Variants in DTNBP1 observed in about 807,000 individuals in gnomAD.
DTNBP1 encodes dystrobrevin binding protein 1.
Under a neutral mutation model 42.8 loss-of-function variants are expected in DTNBP1, and 35 were observed. The ratio of observed to expected loss-of-function variants is 0.82; its 90% CI spans 0.63 to 1.09. The LOEUF (loss-of-function observed/expected upper bound fraction) is 1.09, where lower values mean the gene tolerates loss of function less well. Among genes scored for constraint, DTNBP1 ranks in the 50% least tolerant of loss-of-function variants. DTNBP1 has a pLI of 0.00. For missense variants in DTNBP1, 457 were observed against 424.2 expected (o/e 1.08, Z -0.68); for synonymous variants, 171 against 162.2 (o/e 1.05, Z -0.41).
In DTNBP1 at chr6:15,594,480, G is replaced by A. The variant is rs867205781; in HGVS notation, c.489-1399C>T. Among the ~76,000 whole-genome samples, 770 of 147,740 alleles carry A rather than the reference G, an allele frequency of 5.2e-3. 7 individuals carry two copies. Among genetic ancestry groups the A allele is most frequent in the African/African-American group, 0.017 (702 of 40,444 alleles). ...ACTCTGTCTCAAAAAAAAAAAAAAC[G>A]AAACAAAACAAAAAAACAAAAACAA... On this transcript the variant is annotated intron_variant, in intron 6 of 9. Transcript: ENST00000344537.
intron 6 of DTNBP1, among the ~76,000 whole-genome samples, chr6:15,608,932 G>A (rs1758232726): frequency 6.6e-6 from 1 of 152,102 alleles, no homozygotes; most frequent in Admixed American, 6.5e-5. Flanking sequence ...GGCACTTCAT[G>A]GGCTCTTTTA....
At chr6:15,603,877 T>C (rs1776826987) in intron 6 of DTNBP1, among the ~76,000 whole-genome samples, 1 of 152,156 alleles carries the variant, frequency 6.6e-6, no homozygotes, top group Non-Finnish European at 1.5e-5. Context: ...TTGGATATTT[T>C]TTTCCCTCCT....
At chr6:15,523,487 C>A in intron 9 of DTNBP1, 1 of 1,280,272 alleles carries the variant, frequency 7.8e-7, no homozygotes. Flanking sequence ...CTGTAATACG[C>A]GTGTAATAGA....
At chr6:15,639,815 T>C (rs970479049) in intron 3 of DTNBP1, among the ~76,000 whole-genome samples, 22 of 152,194 alleles carry the variant, frequency 1.4e-4, no homozygotes, top group African/African-American at 5.1e-4. Context: ...TAATTATAAA[T>C]TGAAAATTCA....
At chr6:15,594,974 G>C (rs1054769087) in intron 6 of DTNBP1, among the ~76,000 whole-genome samples, 25 of 152,104 alleles carry the variant, frequency 1.6e-4, no homozygotes, top group African/African-American at 6.0e-4. Context: ...ATACATTAAT[G>C]AGTGAGTGTG....
intron 8 of DTNBP1, among the ~76,000 whole-genome samples, chr6:15,532,697 CTTTTTTTTTTTT>C (rs373480713): frequency 1.1e-5 from 1 of 93,100 alleles, no homozygotes; most frequent in Non-Finnish European, 1.9e-5. Context: ...TGTTTGTAAT[CTTTTTTTTTTTT>C]TTTTTTTTTT....
intron 7 of DTNBP1, among the ~76,000 whole-genome samples, chr6:15,550,793 C>T (rs1774170094): frequency 6.6e-6 from 1 of 152,112 alleles, no homozygotes; most frequent in Non-Finnish European, 1.5e-5. Context: ...CAGATTCTGC[C>T]CCTCCCAGGC....
intron 1 of DTNBP1, among the ~76,000 whole-genome samples, chr6:15,658,318 C>T (rs926648076): frequency 4.6e-5 from 7 of 152,042 alleles, no homozygotes; most frequent in Non-Finnish European, 8.8e-5. Context: ...TGATTAATCC[C>T]GGAAAAGTCA....
chr6:15,599,238 T>C (rs1776630293), intron 6 of DTNBP1, among the ~76,000 whole-genome samples: 1 of 152,214 alleles, frequency 6.6e-6, no homozygotes, highest in African/African-American at 2.4e-5. Context: ...GGGTAAGGGA[T>C]ATTTATTGAG....
intron 4 of DTNBP1, among the ~76,000 whole-genome samples, chr6:15,630,261 A>G (rs951241820): frequency 1.3e-5 from 2 of 152,218 alleles, no homozygotes; most frequent in African/African-American, 4.8e-5. Context: ...AAGCAGAATA[A>G]GTAGTGTTAA....
chr6:15,656,263 C>T (rs1246594263), intron 1 of DTNBP1, among the ~76,000 whole-genome samples: 1 of 152,184 alleles, frequency 6.6e-6, no homozygotes, highest in Non-Finnish European at 1.5e-5. Context: ...GTACCATACA[C>T]CCCATGAACA....
intron 5 of DTNBP1, among the ~76,000 whole-genome samples, chr6:15,626,362 G>A (rs767947996): frequency 2.6e-5 from 4 of 152,132 alleles, no homozygotes; most frequent in Admixed American, 6.5e-5. Flanking sequence ...CAAATACTAC[G>A]TATCTATTTT....
chr6:15,562,717 C>T (rs572371562), intron 7 of DTNBP1, among the ~76,000 whole-genome samples: 1 of 152,296 alleles, frequency 6.6e-6, no homozygotes, highest in Non-Finnish European at 1.5e-5. Flanking sequence ...ACCCTTATTA[C>T]AATCTCCTAA....
At chr6:15,526,838 T>G (rs1245221937) in intron 8 of DTNBP1, among the ~76,000 whole-genome samples, 2 of 152,210 alleles carry the variant, frequency 1.3e-5, no homozygotes, top group Non-Finnish European at 2.9e-5. Context: ...AAAACTGGAC[T>G]AAGAAGCATA....
rs879640286 is a variant in DTNBP1, at chr6:15,555,673, AAGAACCC to A, written c.512-22285_512-22279del. Among the ~76,000 whole-genome samples, 19 of 152,208 alleles carry A rather than the reference AAGAACCC, an allele frequency of 1.2e-4. 1 individual carries two copies. Among genetic ancestry groups the A allele is most frequent in the Admixed American group, 1.3e-4 (2 of 15,282 alleles). ...TTACTCTACATGGTCTAAAAAGGGG[AAGAACCC>A]TCAGTTCCAGGAATCCCCACCCCTT... is the stretch of plus-strand genomic sequence containing the variant. On this transcript the variant is annotated intron_variant, in intron 7 of 9. Coordinates refer to ENST00000344537, the MANE Select transcript of DTNBP1 (RefSeq NM_032122.5).
chr6:15,572,196 T>A (rs530576542), intron 7 of DTNBP1, among the ~76,000 whole-genome samples: 5 of 152,258 alleles, frequency 3.3e-5, no homozygotes, highest in African/African-American at 1.2e-4. Context: ...AAAAAAAACA[T>A]ATTGTTCCCA....
At chr6:15,646,508 A>G (rs1286148184) in intron 3 of DTNBP1, among the ~76,000 whole-genome samples, 1 of 122,072 alleles carries the variant, frequency 8.2e-6, no homozygotes, top group Admixed American at 7.6e-5. Context: ...CCAAAATCAG[A>G]AAAAAAAAAT....
chr6:15,601,882 C>T (rs933181281), intron 6 of DTNBP1, among the ~76,000 whole-genome samples: 1 of 149,506 alleles, frequency 6.7e-6, no homozygotes, highest in South Asian at 2.1e-4. Context: ...AAAAAAGGGT[C>T]CTAAACAGAA....
intron 6 of DTNBP1, 193 bp downstream of exon 6, chr6:15,615,074 A>G (rs1041743411): frequency 4.9e-6 from 4 of 809,144 alleles, no homozygotes; most frequent in Non-Finnish European, 8.2e-6. Context: ...CCTTCTCCTG[A>G]GTTTTTTATA....
Sources: gnomAD v4.1 joint callset for allele counts (sites outside exome capture counted in the v4.1 genomes callset) on GRCh38, gnomAD v4.1.1 for gene constraint, MANE v1.5 for transcripts, NCBI Gene and HGNC (gene_info 2026-07-23, HGNC 2026-07-21) for gene names.